Variants in UACA observed in about 807,000 individuals in gnomAD.
The protein encoded by UACA is nuclear membrane binding protein.
A neutral mutation model predicts 160.5 loss-of-function variants in UACA; 112 were observed. The ratio of observed to expected loss-of-function variants is 0.70; its 90% confidence interval spans 0.60 to 0.82. The LOEUF (loss-of-function observed/expected upper bound fraction) is 0.82, where lower values mean the gene tolerates loss of function less well. Among genes scored for constraint, UACA ranks in the 40% least tolerant of loss-of-function variants. The probability of loss-of-function intolerance (pLI) is 0.00; values close to 1 mark genes in which losing one functional copy is unlikely to be tolerated. For synonymous variants in UACA, 557 were observed against 568.4 expected, an observed-to-expected ratio of 0.98 and a Z score of 0.29; for missense variants, 1,574 against 1,614.6, an observed-to-expected ratio of 0.97 and a Z score of 0.43.
At chr15:70,692,591 G>A (rs1897978406) in intron 3 of UACA, among the ~76,000 whole-genome samples, 1 of 152,138 alleles carries the variant, frequency 6.6e-6, no homozygotes, top group East Asian at 1.9e-4. Context: ...GCAACATAGT[G>A]AAATCCCATC....
chr15:70,712,138 G>A (rs995415486), intron 1 of UACA, among the ~76,000 whole-genome samples: 1 of 150,508 alleles, frequency 6.6e-6, no homozygotes, highest in East Asian at 1.9e-4. Context: ...CCAAAAACAT[G>A]CTCTTCCTCC....
At chr15:70,677,202 C>A in intron 11 of UACA, 62 bp from the exon 12 acceptor site, 1 of 1,278,236 alleles carries the variant, frequency 7.8e-7, no homozygotes, top group South Asian at 1.3e-5. Flanking sequence ...AAGGCATGAA[C>A]TTGGCAAAGA....
rs1171674259 is a variant in UACA at position 70,655,663 on chromosome 15, T to C, written c.*1393A>G. The C allele has an allele frequency of 6.6e-6, 1 of 152,212 alleles. No individual in the cohort carries two copies. The highest frequency in any genetic ancestry group is 1.5e-5 in the Non-Finnish European group (1 of 68,038). 9.4% of individuals were successfully genotyped at this position (152,212 alleles called of 1,614,324 possible). ...TGCTTATGTAAACCGTATAAAGAAT[T>C]AAAAACAAATCCAATTCTGACTTTC... is the stretch of plus-strand genomic sequence containing the variant. On this transcript the variant is annotated 3_prime_UTR_variant, in exon 19 of 19. Transcript: ENST00000322954.
Position 70,668,243 on chromosome 15 carries a change from A to G in UACA, c.2441T>C (p.Ile814Thr), listed in dbSNP as rs3743315. ...VPPEKHEKEI[I>T]ALKSNIVELK... ...TTCAACAATATTGGATTTCAGAGCT[A>G]TTATCTCTTTTTCATGTTTCTCAGG... Residue 814 changes from isoleucine to threonine, a missense_variant, in exon 16 of 19, where the codon ATA becomes ACA. Coordinates refer to ENST00000322954, the MANE Select transcript of UACA (RefSeq NM_018003.4). 1.2e-3 allele frequency: 1,940 copies of G among 1,613,382 alleles called. 57 individuals carry two copies. In the East Asian group the frequency reaches 0.04, roughly 34 times the overall value.
rs775806600 is a variant in UACA at position 70,654,834 on chromosome 15, T to C, written c.*2222A>G. The stretch of plus-strand genomic sequence containing the variant: ...GAACACAGAATGGCAGTGGCCAGCA[T>C]TGTCCATTATCTATGTTCCGCTTGT... On this transcript the variant is annotated 3_prime_UTR_variant, in exon 19 of 19. Transcript: ENST00000322954. 2 of 152,240 alleles carry C rather than the reference T, an allele frequency of 1.3e-5. No individual in the cohort carries two copies. The highest frequency in any genetic ancestry group is 2.4e-5 in the African/African-American group (1 of 41,458). 9.4% of individuals were successfully genotyped at this position (152,240 alleles called of 1,614,324 possible). A position where few individuals can be genotyped will look rare whatever the true frequency, so the allele number is the denominator to read the frequency against.
chr15:70,752,750 T>C (rs1386152892), intron 1 of UACA, among the ~76,000 whole-genome samples: 1 of 151,738 alleles, frequency 6.6e-6, no homozygotes, highest in Non-Finnish European at 1.5e-5. Context: ...AAACGCATCA[T>C]CTCCTCAAAA....
Position 70,667,949 on chromosome 15 carries a change from T to C in UACA, c.2735A>G (p.Glu912Gly), listed in dbSNP as rs767734444. The change falls in exon 16 of 19, where the codon GAA becomes GGA. Residue 912 changes from glutamate to glycine, a missense_variant. By Grantham distance (98) the Glu-to-Gly change is moderately conservative. Transcript: ENST00000322954. ...DKNEILKRNL[E>G]NTQNQIKAEY... ...AGCTTTTATTTGGTTCTGAGTGTTT[T>C]CCAGGTTTCTTTTTAATATTTCATT... 6.2e-7 allele frequency: 1 copy of C among 1,610,370 alleles called. No homozygotes were observed. Among genetic ancestry groups the C allele is most frequent in the East Asian group, 2.2e-5 (1 of 44,846 alleles).
chr15:70,687,802 G>C lies in UACA; in HGVS notation c.443C>G (p.Ser148Cys), dbSNP rs1897784295. The C allele has an allele frequency of 6.2e-7, 1 of 1,613,628 alleles. No homozygotes were observed. Among genetic ancestry groups the C allele is most frequent in the African/African-American group, 1.3e-5 (1 of 74,904 alleles). The part of the protein sequence containing the change: ...LHDAAMADCP[S>C]SIQLLCDHGA... ...ATGGTCACAAAGCAGCTGTATGCTA[G>C]AAGGACAATCTGCCATTGCTTTAAG... The change falls in exon 6 of 19, where the codon TCT (serine) becomes TGT (cysteine). Residue 148 changes from serine (S) to cysteine (C), a missense_variant. Physicochemically the swap from Ser to Cys is moderately radical, Grantham distance 112. Transcript: ENST00000322954.
intron 1 of UACA, among the ~76,000 whole-genome samples, chr15:70,762,954 G>A (rs893451727): frequency 2.0e-5 from 3 of 152,114 alleles, no homozygotes; most frequent in Non-Finnish European, 4.4e-5. Flanking sequence ...GCGGGCGTGG[G>A]CAGCAGGGCG....
chr15:70,702,055 G>A, intron 1 of UACA: 1 of 1,391,930 alleles, frequency 7.2e-7, no homozygotes, highest in Non-Finnish European at 9.3e-7. Flanking sequence ...CACTTAGCTT[G>A]GATCTCTAAC....
chr15:70,775,682 AAATGAACATTAAAAACT>A, the UACA span, among the ~76,000 whole-genome samples: 5 of 152,234 alleles, frequency 3.3e-5, no homozygotes, highest in Admixed American at 3.3e-4. Context: ...TCAGATATTA[AAATGAACATTAAAAACT>A]GGATATAGAG....
the UACA span, among the ~76,000 whole-genome samples, chr15:70,778,276 A>C: frequency 1.3e-5 from 2 of 152,216 alleles, no homozygotes; most frequent in African/African-American, 4.8e-5. Flanking sequence ...AACCCAAAGT[A>C]CTCATTTTGT....
intron 1 of UACA, among the ~76,000 whole-genome samples, chr15:70,734,994 T>A (rs1334228321): frequency 8.6e-5 from 1 of 11,630 alleles, no homozygotes; most frequent in African/African-American, 4.6e-4. Flanking sequence ...CTGGGGACTG[T>A]GGTGGGGTCG....
rs569209932 is a variant in UACA, at chr15:70,686,618, A to G, written c.602+922T>C. Among the ~76,000 whole-genome samples the G allele has an allele frequency of 3.9e-5, 6 of 151,960 alleles. 1 individual carries two copies. The highest frequency in any genetic ancestry group is 1.4e-4 in the African/African-American group (6 of 41,484). ...TAACTCGTCATTTAGCATTAGGTAC[A>G]GAATTTCCTCCTTTGAGATGCATAA... is the stretch of plus-strand genomic sequence containing the variant. On this transcript the variant is annotated intron_variant, in intron 7 of 18. Transcript: ENST00000322954.
intron 4 of UACA, 50 bp downstream of exon 4, chr15:70,691,249 A>G (rs375333313): frequency 3.8e-6 from 5 of 1,329,630 alleles, no homozygotes; most frequent in African/African-American, 1.5e-5. Flanking sequence ...AAGTACATCT[A>G]TGATTTGTTG....
chr15:70,751,648 G>A (rs905822960), intron 1 of UACA, among the ~76,000 whole-genome samples: 1 of 152,148 alleles, frequency 6.6e-6, no homozygotes, highest in Non-Finnish European at 1.5e-5. Context: ...TACCAGGAGT[G>A]GCAAGGCTCA....
the UACA span, among the ~76,000 whole-genome samples, chr15:70,769,356 A>AG: frequency 6.6e-6 from 1 of 150,900 alleles, no homozygotes; most frequent in Non-Finnish European, 1.5e-5. Context: ...AAAAAAAAAA[A>AG]AAAAGATAAA....
intron 13 of UACA, among the ~76,000 whole-genome samples, chr15:70,674,559 C>T (rs1273489305): frequency 6.6e-6 from 1 of 152,124 alleles, no homozygotes; most frequent in Admixed American, 6.5e-5. Flanking sequence ...ATAGACTTGA[C>T]ATTTTAGACA....
In UACA at chr15:70,666,828, T is replaced by C; in HGVS notation, c.3856A>G (p.Ile1286Val). The change falls in exon 16 of 19, where the codon ATT becomes GTT. Residue 1286 changes from isoleucine to valine, a missense_variant. Ile to Val is a conservative substitution (Grantham distance 29). Coordinates refer to ENST00000322954, the MANE Select transcript of UACA (RefSeq NM_018003.4). ...TCACATCGTTCCTTCTGATCCTTAA[T>C]TTCTTGCTCAATGCTGAAATGCAGT... Reference protein sequence around the residue: ...ELLHFSIEQEIKDQKERCDKS... With the variant: ...ELLHFSIEQEVKDQKERCDKS... 1 of 1,613,932 alleles carries C rather than the reference T, an allele frequency of 6.2e-7. No individual in the cohort carries two copies. Among genetic ancestry groups the C allele is most frequent in the Non-Finnish European group, 8.5e-7 (1 of 1,179,940 alleles).
Sources: allele counts gnomAD v4.1 joint callset (sites outside exome capture counted in the v4.1 genomes callset), GRCh38; gene constraint gnomAD v4.1.1; transcripts MANE v1.5; gene names NCBI Gene and HGNC (gene_info 2026-07-23, HGNC 2026-07-21).